BTAF1: variants seen among roughly 807,000 people sequenced by gnomAD.
The protein encoded by BTAF1 is TATA-binding protein-associated factor 172.
A neutral mutation model predicts 227.1 loss-of-function variants in BTAF1; 38 were observed. The observed-to-expected ratio is 0.17, with a 90% CI of 0.13 to 0.22. The LOEUF (loss-of-function observed/expected upper bound fraction) is 0.22. BTAF1 is among the 10% of genes least tolerant of loss of function. BTAF1 has a pLI of 1.00. For missense variants in BTAF1, 1,598 were observed against 2,204.0 expected (o/e 0.73, Z 5.51); for synonymous variants, 742 against 751.9 (o/e 0.99, Z 0.21).
chr10:91,982,569 C>T lies in BTAF1; in HGVS notation c.2049-18C>T. ...TTCAAGTAATTTCTTATAGTAACTT[C>T]CTTTTTCTCCCTCTTAGGTTGTTAG... is the stretch of plus-strand genomic sequence containing the variant. On this transcript the variant is annotated intron_variant, in intron 17 of 37. Coordinates refer to ENST00000265990, the MANE Select transcript of BTAF1 (RefSeq NM_003972.3). 1 of 1,577,852 alleles carries T rather than the reference C, an allele frequency of 6.3e-7. No individual in the cohort carries two copies. Among genetic ancestry groups the T allele is most frequent in the Non-Finnish European group, 8.6e-7 (1 of 1,163,320 alleles).
chr10:91,994,620 A>G lies in BTAF1; in HGVS notation c.3285A>G (p.Ser1095=), dbSNP rs1849013624. The change falls in exon 23 of 38, where the codon TCA becomes TCG. Residue 1095 remains serine, a synonymous_variant. Coordinates refer to ENST00000265990, the MANE Select transcript of BTAF1 (RefSeq NM_003972.3). ...AGGTTTTTGAAACAGCAGCAGCTTC[A>G]ATGGATTCTGAGCTTCATCCCTTGG... ...SLQVFETAAA[S]MDSELHPLLV... is the part of the protein sequence containing the mutation. The G allele has an allele frequency of 6.2e-7, 1 of 1,613,814 alleles. No individual in the cohort carries two copies. The highest frequency in any genetic ancestry group is 1.3e-5 in the African/African-American group (1 of 75,054).
intron 5 of BTAF1, 120 bp from the exon 6 acceptor site, chr10:91,953,617 A>G: frequency 9.0e-7 from 1 of 1,115,160 alleles, no homozygotes; most frequent in Non-Finnish European, 1.3e-6. Flanking sequence ...CCTGTCAAAA[A>G]AGAATGTGAT....
chr10:92,002,571 CGTT>C (rs1200416038), intron 25 of BTAF1, among the ~76,000 whole-genome samples: 1 of 151,980 alleles, frequency 6.6e-6, no homozygotes, highest in Non-Finnish European at 1.5e-5. Context: ...ATTTGTAAAG[CGTT>C]GTGCAGAAAG....
Position 91,932,495 on chromosome 10 carries a change from A to T in BTAF1, c.15-3162A>T, listed in dbSNP as rs1018621808. Among the ~76,000 whole-genome samples, 3 of 152,222 alleles carry T rather than the reference A, an allele frequency of 2.0e-5. No homozygotes were observed. The East Asian group carries it at 5.8e-4, about 29-fold the overall frequency. ...GAAACTTGAACTTTTCCTTAAGTAT[A>T]GTTTTAGTTACAGTAAATGTCAACT... is the stretch of plus-strand genomic sequence containing the variant. On this transcript the variant is annotated intron_variant, in intron 1 of 37. Coordinates refer to ENST00000265990, the MANE Select transcript of BTAF1 (RefSeq NM_003972.3).
At chr10:91,996,314 C>G (rs1245707362) in intron 23 of BTAF1, 55 bp from the exon 24 acceptor site, 1 of 1,495,480 alleles carries the variant, frequency 6.7e-7, no homozygotes, top group Non-Finnish European at 9.2e-7. Context: ...ATTATAGTTA[C>G]ATATTAAACA....
intron 25 of BTAF1, among the ~76,000 whole-genome samples, chr10:92,006,236 C>A (rs2134093305): frequency 6.6e-6 from 1 of 152,244 alleles, no homozygotes; most frequent in Non-Finnish European, 1.5e-5. Flanking sequence ...GAAGTCCAGC[C>A]TCACAGAGAT....
intron 12 of BTAF1, 26 bp downstream of exon 12, chr10:91,962,704 T>C (rs777280596): frequency 1.3e-6 from 2 of 1,561,350 alleles, no homozygotes; most frequent in East Asian, 2.3e-5. Context: ...TTACAGTTTC[T>C]TACTATAGAG....
chr10:91,964,331 A>G (rs1846728897), intron 13 of BTAF1, 130 bp downstream of exon 13: 1 of 1,071,688 alleles, frequency 9.3e-7, no homozygotes, highest in Non-Finnish European at 1.3e-6. Context: ...GCCAAAGACT[A>G]CCGTTTTCAG....
chr10:91,924,633 C>T (rs1408001866), intron 1 of BTAF1, among the ~76,000 whole-genome samples: 9 of 152,196 alleles, frequency 5.9e-5, no homozygotes, highest in Non-Finnish European at 2.9e-5. Context: ...GCGTTGTAAC[C>T]TTAAGCCAAT....
At chr10:92,003,155 C>CAAA (rs35416792) in intron 25 of BTAF1, among the ~76,000 whole-genome samples, 13 of 141,382 alleles carry the variant, frequency 9.2e-5, no homozygotes, top group African/African-American at 1.6e-4. Flanking sequence ...GACTCCGTCT[C>CAAA]AAAAAAAAAA....
At chr10:91,980,402 C>G in intron 14 of BTAF1, 52 bp from the exon 15 acceptor site, 1 of 1,315,752 alleles carries the variant, frequency 7.6e-7, no homozygotes, top group Non-Finnish European at 1.1e-6. Flanking sequence ...TTCAGGTAAG[C>G]TAACATCCAA....
intron 25 of BTAF1, among the ~76,000 whole-genome samples, chr10:92,000,638 A>C (rs1849456911): frequency 6.6e-6 from 1 of 152,080 alleles, no homozygotes; most frequent in Admixed American, 6.5e-5. Flanking sequence ...GGCTCCTGCA[A>C]CCTTTGCCTC....
intron 2 of BTAF1, among the ~76,000 whole-genome samples, chr10:91,936,406 A>AGGGGAGCGATATGATTGCCCAGATAT (rs1844613183): frequency 6.6e-6 from 1 of 150,758 alleles, no homozygotes; most frequent in Non-Finnish European, 1.5e-5. Context: ...AGGATAGGGT[A>AGGGGAGCGATATGATTGCCCAGATAT]GGGGAGCAAT....
chr10:91,957,510 T>G (rs188170366), intron 8 of BTAF1, among the ~76,000 whole-genome samples: 1 of 152,374 alleles, frequency 6.6e-6, no homozygotes, highest in Admixed American at 6.5e-5. Flanking sequence ...TTATTTCTTT[T>G]CGTTCTTTAA....
chr10:91,960,109 A>G lies in BTAF1; in HGVS notation c.1218A>G (p.Arg406=). 6.2e-7 allele frequency: 1 copy of G among 1,613,890 alleles called. No individual in the cohort carries two copies. Among genetic ancestry groups the G allele is most frequent in the Non-Finnish European group, 8.5e-7 (1 of 1,179,858 alleles). ...KLLTQEQWEV[R]HGGLLGIKYA... Reference sequence around the variant, plus strand: ...TTACACAAGAACAATGGGAAGTTAGACATGGTGGTCTGCTGGGAATAAAAT... The same window carrying G: ...TTACACAAGAACAATGGGAAGTTAGGCATGGTGGTCTGCTGGGAATAAAAT... The change falls in exon 11 of 38, where the codon AGA becomes AGG. Residue 406 remains arginine (R), a synonymous_variant. Coordinates refer to ENST00000265990, the MANE Select transcript of BTAF1 (RefSeq NM_003972.3).
chr10:91,993,953 C>A, intron 22 of BTAF1, 106 bp downstream of exon 22: 1 of 820,062 alleles, frequency 1.2e-6, no homozygotes, highest in South Asian at 4.5e-5. Flanking sequence ...CCTGTTTATT[C>A]CAGACCAGCT....
Position 92,029,632 on chromosome 10 carries a change from A to G in BTAF1, c.*699A>G, listed in dbSNP as rs1216500288. ...GTTTTTTTTAATTTATCTAATGGCT[A>G]CGATATAGCCAGATTCAAATAACAT... On this transcript the variant is annotated 3_prime_UTR_variant, in exon 38 of 38. Transcript: ENST00000265990. The G allele has an allele frequency of 6.6e-6, 1 of 151,934 alleles. No individual in the cohort carries two copies. Among genetic ancestry groups the G allele is most frequent in the East Asian group, 1.9e-4 (1 of 5,198 alleles). The allele number at this position is 151,934 out of a possible 1,614,324, so 9.4% of individuals were successfully genotyped here.
At chr10:91,938,413 T>C (rs1175518356) in intron 2 of BTAF1, among the ~76,000 whole-genome samples, 1 of 152,242 alleles carries the variant, frequency 6.6e-6, no homozygotes, top group East Asian at 1.9e-4. Flanking sequence ...TTTTGGGTTC[T>C]GTGGTCAGTT....
intron 17 of BTAF1, 150 bp from the exon 18 acceptor site, chr10:91,982,437 A>G: frequency 9.4e-7 from 1 of 1,066,006 alleles, no homozygotes; most frequent in Non-Finnish European, 1.3e-6. Context: ...AAGACAAGAT[A>G]GTCATTATAC....
Sources: allele counts gnomAD v4.1 joint callset (sites outside exome capture counted in the v4.1 genomes callset), GRCh38; gene constraint gnomAD v4.1.1; transcripts MANE v1.5; gene names NCBI Gene and HGNC (gene_info 2026-07-23, HGNC 2026-07-21).